CNTNAP2: variants seen among roughly 807,000 people sequenced by gnomAD.
The protein encoded by CNTNAP2 is contactin-associated protein-like 2.
A neutral mutation model predicts 155.2 loss-of-function variants in CNTNAP2; 98 were observed. That is an observed-to-expected ratio of 0.63 (90% CI 0.54 to 0.75). CNTNAP2 has a LOEUF of 0.75. Among genes scored for constraint, CNTNAP2 ranks in the 30% least tolerant of loss-of-function variants. The pLI, the probability that CNTNAP2 is intolerant of heterozygous loss-of-function variation, is 0.00. For synonymous variants in CNTNAP2, 651 were observed against 631.2 expected (o/e 1.03, Z -0.47); for missense variants, 1,727 against 1,688.1 (o/e 1.02, Z -0.40).
At chr7:147,814,382 G>C (rs1056406127) in intron 13 of CNTNAP2, among the ~76,000 whole-genome samples, 1 of 152,206 alleles carries the variant, frequency 6.6e-6, no homozygotes, top group Non-Finnish European at 1.5e-5. Flanking sequence ...ACTGAACCTT[G>C]TTATGCATTT....
intron 3 of CNTNAP2, among the ~76,000 whole-genome samples, chr7:146,874,715 TCTTCA>T (rs1359884979): frequency 6.6e-6 from 1 of 152,178 alleles, no homozygotes; most frequent in East Asian, 1.9e-4. Context: ...ATACTTCAGT[TCTTCA>T]CTTAAATTGT....
chr7:146,120,196 G>A (rs1177998457), intron 1 of CNTNAP2, among the ~76,000 whole-genome samples: 2 of 151,882 alleles, frequency 1.3e-5, no homozygotes. Context: ...ATATGTAAAT[G>A]CATATAAAAG....
intron 16 of CNTNAP2, among the ~76,000 whole-genome samples, chr7:148,119,105 T>G (rs1196825419): frequency 6.6e-6 from 1 of 152,162 alleles, no homozygotes; most frequent in Non-Finnish European, 1.5e-5. Context: ...TTGAACTCCG[T>G]TGGCTGTGAG....
At chr7:147,414,813 C>A (rs528848312) in intron 10 of CNTNAP2, among the ~76,000 whole-genome samples, 1 of 151,110 alleles carries the variant, frequency 6.6e-6, no homozygotes, top group East Asian at 2.0e-4. Flanking sequence ...AGGTGGTGGG[C>A]GCCTGTAGTC....
At chr7:147,422,133 GTA>G (rs113191488) in intron 10 of CNTNAP2, among the ~76,000 whole-genome samples, 2,391 of 145,570 alleles carry the variant, frequency 0.016, 38 homozygotes, top group African/African-American at 0.042. Flanking sequence ...TATATATACA[GTA>G]TATATATATA....
intron 1 of CNTNAP2, among the ~76,000 whole-genome samples, chr7:146,360,400 C>G (rs1795065574): frequency 6.6e-6 from 1 of 152,042 alleles, no homozygotes; most frequent in Non-Finnish European, 1.5e-5. Flanking sequence ...AAAAACGTCA[C>G]AAGGAAACAT....
chr7:148,402,030 T>C (rs1799595498), intron 22 of CNTNAP2, among the ~76,000 whole-genome samples: 1 of 138,326 alleles, frequency 7.2e-6, no homozygotes, highest in Non-Finnish European at 1.6e-5. Flanking sequence ...GTTAACTAAG[T>C]AACTGATGGA....
chr7:148,266,735 C>T (rs1295310012), intron 20 of CNTNAP2, among the ~76,000 whole-genome samples: 1 of 152,128 alleles, frequency 6.6e-6, no homozygotes, highest in African/African-American at 2.4e-5. Flanking sequence ...AGATGTTACT[C>T]CATTAAAAAG....
intron 11 of CNTNAP2, among the ~76,000 whole-genome samples, chr7:147,495,380 CA>C (rs1798686075): frequency 6.6e-6 from 1 of 152,166 alleles, no homozygotes; most frequent in Non-Finnish European, 1.5e-5. Context: ...AACCAGACCA[CA>C]GTGGAAGAAT....
chr7:146,712,120 AT>A (rs1410404417), intron 1 of CNTNAP2, among the ~76,000 whole-genome samples: 4 of 119,460 alleles, frequency 3.3e-5, no homozygotes, highest in Non-Finnish European at 6.7e-5. Flanking sequence ...GTATACATAT[AT>A]GTATACATAT....
intron 21 of CNTNAP2, among the ~76,000 whole-genome samples, chr7:148,319,280 A>G (rs1423470833): frequency 6.6e-6 from 1 of 152,228 alleles, no homozygotes; most frequent in Admixed American, 6.5e-5. Flanking sequence ...GGCAAAATAG[A>G]TTGTGACTAA....
chr7:147,700,718 C>T (rs1796224810), intron 13 of CNTNAP2, among the ~76,000 whole-genome samples: 1 of 152,152 alleles, frequency 6.6e-6, no homozygotes, highest in African/African-American at 2.4e-5. Flanking sequence ...AAAGTGCCAG[C>T]CTCCAAATGA....
chr7:148,136,043 G>GGGAGGGAC (rs1804940799), intron 16 of CNTNAP2, among the ~76,000 whole-genome samples: 2 of 87,152 alleles, frequency 2.3e-5, no homozygotes, highest in Non-Finnish European at 4.7e-5. Context: ...GAGGGAGGGA[G>GGGAGGGAC]GGAGGGGAAG....
chr7:146,241,219 C>A (rs567805166), intron 1 of CNTNAP2, among the ~76,000 whole-genome samples: 3 of 152,280 alleles, frequency 2.0e-5, no homozygotes, highest in Admixed American at 1.3e-4. Context: ...CAAACTACAT[C>A]AGGAGGTAAG....
chr7:147,752,477 A>G (rs1423741408), intron 13 of CNTNAP2, among the ~76,000 whole-genome samples: 3 of 152,184 alleles, frequency 2.0e-5, no homozygotes, highest in Non-Finnish European at 2.9e-5. Flanking sequence ...ACCGTCGTTC[A>G]TTCAACCAGG....
chr7:147,253,642 T>G (rs1804253992), intron 8 of CNTNAP2, among the ~76,000 whole-genome samples: 1 of 152,092 alleles, frequency 6.6e-6, no homozygotes, highest in African/African-American at 2.4e-5. Flanking sequence ...GCAAAACTGT[T>G]TCTTCCAGTT....
chr7:146,648,312 C>T (rs1799849743), intron 1 of CNTNAP2, among the ~76,000 whole-genome samples: 1 of 151,974 alleles, frequency 6.6e-6, no homozygotes, highest in African/African-American at 2.4e-5. Flanking sequence ...AATATTTTCC[C>T]CATGGGAAAG....
chr7:146,211,016 T>G (rs1379759238), intron 1 of CNTNAP2, among the ~76,000 whole-genome samples: 1 of 152,098 alleles, frequency 6.6e-6, no homozygotes, highest in South Asian at 2.1e-4. Flanking sequence ...AATGTTGATT[T>G]TGGAGAAAAG....
intron 13 of CNTNAP2, among the ~76,000 whole-genome samples, chr7:147,657,399 G>C (rs796217597): frequency 7.2e-5 from 11 of 152,216 alleles, no homozygotes; most frequent in African/African-American, 2.2e-4. Context: ...GGTTGGCTTC[G>C]GTGAAATATG....
Sources: allele counts gnomAD v4.1 joint callset (sites outside exome capture counted in the v4.1 genomes callset), GRCh38; gene constraint gnomAD v4.1.1; transcripts MANE v1.5; gene names NCBI Gene and HGNC (gene_info 2026-07-23, HGNC 2026-07-21).